The following RNF31 variants were observed in gnomAD, a reference collection of about 807,000 sequenced individuals.
The protein encoded by RNF31 is E3 ubiquitin-protein ligase RNF31.
In RNF31, 38 loss-of-function variants were observed where a neutral mutation model predicts 133.6. That is an observed-to-expected ratio of 0.28 (90% CI 0.22 to 0.37). The LOEUF (loss-of-function observed/expected upper bound fraction) is 0.37, where lower values mean the gene tolerates loss of function less well. Ranked by LOEUF, RNF31 falls within the 10% of genes least tolerant of loss-of-function variation. RNF31 has a pLI of 1.00. For missense variants in RNF31, 1,118 were observed against 1,394.1 expected, an observed-to-expected ratio of 0.80 and a Z score of 3.15; for synonymous variants, 582 against 552.3, an observed-to-expected ratio of 1.05 and a Z score of -0.75.
At position 24,155,688 on chromosome 14, in the gene RNF31, G is replaced by A. The variant is rs907550313; in HGVS notation, c.2489G>A (p.Arg830His). The A allele has an allele frequency of 6.2e-6, 10 of 1,613,372 alleles. No individual in the cohort carries two copies. The highest frequency in any genetic ancestry group is 2.2e-5 in the East Asian group (1 of 44,896). ...CHQTFCVRCK[R>H]QWEEQHRGRS... ...CAGACCTTCTGTGTGCGCTGCAAGCGCCAGGTGAGGCACATTCATCCTTTC... is the reference window on the plus strand; with the variant it reads ...CAGACCTTCTGTGTGCGCTGCAAGCACCAGGTGAGGCACATTCATCCTTTC... The change falls in exon 14 of 21, where the codon CGC becomes CAC. Residue 830 changes from arginine (R) to histidine (H), a missense_variant. Coordinates refer to ENST00000324103, the MANE Select transcript of RNF31 (RefSeq NM_017999.5). The surrounding 1 kb of genome is among the most constrained non-coding windows in gnomAD (Gnocchi z 4.9).
Position 24,148,882 on chromosome 14 carries a change from AT to A in RNF31, c.631+8del, listed in dbSNP as rs1444474154. Reference sequence around the variant, plus strand: ...CACCACACCCTCTGTCCCAGGTATTATTGGTCCTAAATTGGGGACCAGGTAG... The same window carrying A: ...CACCACACCCTCTGTCCCAGGTATTATGGTCCTAAATTGGGGACCAGGTAG... On this transcript the variant is annotated splice_region_variant and intron_variant, in intron 5 of 20. Transcript: ENST00000324103. 6.2e-7 allele frequency: 1 copy of A among 1,612,978 alleles called. No homozygotes were observed. Among genetic ancestry groups the A allele is most frequent in the Non-Finnish European group, 8.5e-7 (1 of 1,179,050 alleles).
Position 24,155,874 on chromosome 14 carries a change from G to A in RNF31, c.2493+182G>A, listed in dbSNP as rs1172134078. Among the ~76,000 whole-genome samples, 2 of 152,098 alleles carry A rather than the reference G, an allele frequency of 1.3e-5. No individual in the cohort carries two copies. The highest frequency in any genetic ancestry group is 2.1e-4 in the South Asian group (1 of 4,828). On this transcript the variant is annotated intron_variant, in intron 14 of 20. Transcript: ENST00000324103. The surrounding 1 kb of genome is among the most constrained non-coding windows in gnomAD (Gnocchi z 4.9). ...GGGAAGCAGAGGGAGGGAGGAAATC[G>A]GGAGGGAAAGGAAAGGGGAGGAGGA... is the stretch of plus-strand genomic sequence containing the variant.
chr14:24,147,484 T>G, upstream of RNF31: 1 of 412,692 alleles, frequency 2.4e-6, no homozygotes, highest in Non-Finnish European at 4.2e-6. Flanking sequence ...TGGGTCGCAG[T>G]CCCACCCTCT....
chr14:24,149,126 G>T (rs1397289243), intron 5 of RNF31: 3 of 593,224 alleles, frequency 5.1e-6, no homozygotes, highest in Non-Finnish European at 8.9e-6. Flanking sequence ...ACCGCGCTCG[G>T]CTAATTTTGT....
intron 7 of RNF31, 69 bp from the exon 8 acceptor site, chr14:24,150,529 C>T: frequency 6.3e-7 from 1 of 1,577,154 alleles, no homozygotes; most frequent in Non-Finnish European, 8.6e-7. Context: ...CAGTTCCTCC[C>T]AACTCCCTGT....
chr14:24,158,025 A>C lies in RNF31; in HGVS notation c.2841+14A>C. 6.2e-7 allele frequency: 1 copy of C among 1,613,426 alleles called. No individual in the cohort carries two copies. Among genetic ancestry groups the C allele is most frequent in the Non-Finnish European group, 8.5e-7 (1 of 1,179,420 alleles). ...AAGCTGCTACAGGTCAGAGGTGGCC[A>C]GGAGAGAAGAAGACAGGGCCCAGGG... On this transcript the variant is annotated intron_variant, in intron 17 of 20. Transcript: ENST00000324103.
chr14:24,147,676 C>A lies in RNF31; in HGVS notation c.-23C>A. 1 of 1,428,712 alleles carries A rather than the reference C, an allele frequency of 7.0e-7. No homozygotes were observed. The highest frequency in any genetic ancestry group is 1.5e-5 in the South Asian group (1 of 68,140). The allele number at this position is 1,428,712 out of a possible 1,614,324, so 88.5% of individuals were successfully genotyped here. On this transcript the variant is annotated 5_prime_UTR_variant, in exon 1 of 21. It adds an upstream start codon to the 5' untranslated region. Coordinates refer to ENST00000324103, the MANE Select transcript of RNF31 (RefSeq NM_017999.5). The stretch of plus-strand genomic sequence containing the variant: ...CGCCGGGTCCTGGCGGGCGGCGAGG[C>A]TGGGGCTGACTCCTGCCTCAGGATG...
At position 24,150,408 on chromosome 14, in the gene RNF31, T is replaced by G. The variant is rs200713813; in HGVS notation, c.1157T>G (p.Val386Gly). Reference protein sequence around the residue: ...PRLAQPPSLVVDSRDAGICLQ... With the variant: ...PRLAQPPSLVGDSRDAGICLQ... ...CTGGCCCAGCCTCCCAGCTTGGTGG[T>G]GGATTCCCGAGATGCTGGCATTTGC... The change falls in exon 7 of 21, where the codon GTG (valine) becomes GGG (glycine). Residue 386 changes from valine (V) to glycine (G), a missense_variant. Physicochemically the swap from Val to Gly is moderately radical, Grantham distance 109. Around this residue, in one of 3 missense-constraint regions of RNF31, gnomAD observed 747 missense variants for 827.9 expected, o/e 0.90. Transcript: ENST00000324103. The G allele has an allele frequency of 1.1e-5, 18 of 1,612,868 alleles. No homozygotes were observed. Among genetic ancestry groups the G allele is most frequent in the Non-Finnish European group, 1.4e-5 (16 of 1,179,788 alleles).
Position 24,160,022 on chromosome 14 carries a change from C to A in RNF31, c.2996+62C>A. The stretch of plus-strand genomic sequence containing the variant: ...GTGGGTAGAAGTGGTGAGGGCATGC[C>A]CAGGCAGTAAAATGGGTCCTTGGGA... On this transcript the variant is annotated intron_variant, in intron 19 of 20. Coordinates refer to ENST00000324103, the MANE Select transcript of RNF31 (RefSeq NM_017999.5). The surrounding 1 kb of genome is among the most constrained non-coding windows in gnomAD (Gnocchi z 4.0). The A allele has an allele frequency of 6.6e-7, 1 of 1,522,272 alleles. No homozygotes were observed. Among genetic ancestry groups the A allele is most frequent in the South Asian group, 1.1e-5 (1 of 88,466 alleles). The allele number at this position is 1,522,272 out of a possible 1,614,324, so 94.3% of individuals were successfully genotyped here.
In RNF31 at chr14:24,148,788, C is replaced by CT. The variant is rs775564567; in HGVS notation, c.556-10dup. On this transcript the variant is annotated splice_polypyrimidine_tract_variant and intron_variant, in intron 4 of 20. Transcript: ENST00000324103. ...CCTAAACCCTTATTCATTCCCTGCC[C>CT]TTTCTTTTTCAGATGCTGCAGCTTT... 5 of 1,614,066 alleles carry CT rather than the reference C, an allele frequency of 3.1e-6. No homozygotes were observed. In the East Asian group the frequency reaches 1.1e-4, roughly 36 times the overall value.
intron 11 of RNF31, 106 bp downstream of exon 11, chr14:24,152,098 C>T: frequency 4.4e-6 from 5 of 1,147,154 alleles, no homozygotes; most frequent in Non-Finnish European, 6.1e-6. Context: ...CTTCAGTTGC[C>T]CATATACCCC....
Position 24,151,451 on chromosome 14 carries a change from C to T in RNF31, c.1738-34C>T, listed in dbSNP as rs1452641046. On this transcript the variant is annotated intron_variant, in intron 9 of 20. Coordinates refer to ENST00000324103, the MANE Select transcript of RNF31 (RefSeq NM_017999.5). This position sits in a 1 kb window ranked among gnomAD's most constrained non-coding sequence, Gnocchi z 5.3. ...TCACACTCTCCCTTGCTTGCTTTCC[C>T]ACTTCATTCCCCCTTGCCACTCCCA... 1 of 1,613,238 alleles carries T rather than the reference C, an allele frequency of 6.2e-7. No homozygotes were observed. The highest frequency in any genetic ancestry group is 2.2e-5 in the East Asian group (1 of 44,842).
chr14:24,157,464 C>T (rs1416155102), intron 15 of RNF31, 56 bp from the exon 16 acceptor site: 1 of 1,603,252 alleles, frequency 6.2e-7, no homozygotes, highest in East Asian at 2.2e-5. Flanking sequence ...CAGCTCTCTT[C>T]CTGAGGGCCT....
rs2038428568 is a variant in RNF31, at chr14:24,160,395, C to T, written c.3153C>T (p.Ala1051=). 1.2e-6 allele frequency: 2 copies of T among 1,613,962 alleles called. No homozygotes were observed. Reference sequence around the variant, plus strand: ...GAGAGGATCCCCCTGCTTACCAGGCCCGCTTGTTACAGGTATAGCCTCCAC... The same window carrying T: ...GAGAGGATCCCCCTGCTTACCAGGCTCGCTTGTTACAGGTATAGCCTCCAC... ...LAGEDPPAYQ[A]RLLQKLTEEV... The change falls in exon 20 of 21, where the codon GCC becomes GCT. Residue 1051 remains alanine, a synonymous_variant. Transcript: ENST00000324103. This position sits in a 1 kb window ranked among gnomAD's most constrained non-coding sequence, Gnocchi z 4.0.
chr14:24,157,306 G>A lies in RNF31; in HGVS notation c.2510G>A (p.Arg837Gln), dbSNP rs552732848. ...RCKRQWEEQH[R>Q]GRSCEDFQNW... The stretch of plus-strand genomic sequence containing the variant: ...CTCTGGCAGTGGGAGGAGCAGCACC[G>A]AGGTCGGAGCTGTGAGGACTTCCAG... Residue 837 changes from arginine to glutamine, a missense_variant, in exon 15 of 21, where the codon CGA becomes CAA. This residue lies in a region of RNF31 where 201 missense variants were observed against 371.7 expected (regional missense o/e 0.54). Transcript: ENST00000324103. 13 of 1,608,510 alleles carry A rather than the reference G, an allele frequency of 8.1e-6. No individual in the cohort carries two copies. In the Admixed American group the frequency reaches 8.4e-5, roughly 10 times the overall value.
At chr14:24,158,069 G>C (rs538402580) in intron 17 of RNF31, 58 bp downstream of exon 17, 32 of 1,611,494 alleles carry the variant, frequency 2.0e-5, no homozygotes, top group South Asian at 1.1e-4. Flanking sequence ...AATGGAAAAG[G>C]CTCCGTGCTA....
At position 24,151,591 on chromosome 14, in the gene RNF31, A is replaced by G. The variant is rs781653706; in HGVS notation, c.1844A>G (p.Gln615Arg). The change falls in exon 10 of 21, where the codon CAA becomes CGA. Residue 615 changes from glutamine to arginine, a missense_variant. Gln to Arg is a conservative substitution (Grantham distance 43). This residue lies in a region of RNF31 where 747 missense variants were observed against 827.9 expected (regional missense o/e 0.90). Coordinates refer to ENST00000324103, the MANE Select transcript of RNF31 (RefSeq NM_017999.5). This position sits in a 1 kb window ranked among gnomAD's most constrained non-coding sequence, Gnocchi z 5.3. ...VSRALTELQR[Q>R]RLEPFRQRLW... ...CGGGCCCTGACTGAGCTACAGCGCC[A>G]ACGCCTAGAGCCCTTCCGCCAGCGC... 4.3e-6 allele frequency: 7 copies of G among 1,613,938 alleles called. No homozygotes were observed. The highest frequency in any genetic ancestry group is 1.6e-4 in the Middle Eastern group (1 of 6,084).
chr14:24,148,724 T>G, intron 4 of RNF31, 23 bp downstream of exon 4: 1 of 1,614,048 alleles, frequency 6.2e-7, no homozygotes, highest in Non-Finnish European at 8.5e-7. Flanking sequence ...GGAAAGGGGC[T>G]GGTGTACAAA....
intron 11 of RNF31, among the ~76,000 whole-genome samples, chr14:24,152,742 G>A (rs1447559804): frequency 6.6e-6 from 1 of 152,190 alleles, no homozygotes; most frequent in Non-Finnish European, 1.5e-5. Flanking sequence ...GGAGTCTCAG[G>A]AACTAAGAAG....
Sources: allele counts gnomAD v4.1 joint callset (sites outside exome capture counted in the v4.1 genomes callset), GRCh38; gene constraint gnomAD v4.1.1; regional missense constraint gnomAD v4.1.1; non-coding constraint Gnocchi (gnomAD v3.1); transcripts MANE v1.5; gene names NCBI Gene and HGNC (gene_info 2026-07-23, HGNC 2026-07-21).